The following EXOSC10 variants were observed in gnomAD, a reference collection of about 807,000 sequenced individuals.
EXOSC10 encodes exosome component 10, also known as exosome complex component 10.
Under a neutral mutation model 126.6 loss-of-function variants are expected in EXOSC10, and 94 were observed. The observed-to-expected ratio is 0.74, with a 90% CI of 0.63 to 0.88. EXOSC10 has a LOEUF of 0.88. Ranked by LOEUF, EXOSC10 falls within the 40% of genes least tolerant of loss-of-function variation. The pLI is 0.00. For synonymous variants in EXOSC10, 395 were observed against 400.8 expected, an observed-to-expected ratio of 0.99 and a Z score of 0.17; for missense variants, 1,041 against 1,100.5, an observed-to-expected ratio of 0.95 and a Z score of 0.77.
intron 23 of EXOSC10, chr1:11,068,394 G>C: frequency 3.4e-6 from 2 of 592,688 alleles, no homozygotes; most frequent in Non-Finnish European, 6.0e-6. Flanking sequence ...GGGTGCTTTT[G>C]GCCTGCAGCT....
intron 17 of EXOSC10, 114 bp from the exon 18 acceptor site, chr1:11,074,440 T>C: frequency 1.4e-6 from 1 of 711,108 alleles, no homozygotes; most frequent in Non-Finnish European, 2.4e-6. Context: ...GGAGACAGAG[T>C]CTCGCTCTTT....
At chr1:11,093,671 C>T (rs1640915223) in intron 3 of EXOSC10, among the ~76,000 whole-genome samples, 1 of 152,170 alleles carries the variant, frequency 6.6e-6, no homozygotes, top group South Asian at 2.1e-4. Context: ...CCTTCCAATC[C>T]TGTGAGCTGG....
chr1:11,068,682 GAAGAA>G lies in EXOSC10; in HGVS notation c.2508_2512del (p.Ser838ValfsTer2), dbSNP rs1557689993. On this transcript the variant is annotated frameshift_variant, in exon 23 of 25. Transcript: ENST00000376936. LOFTEE classifies it high-confidence loss of function. ...GGTCTGTTTATTTGGATCAAACTGA[GAAGAA>G]ACTTTGGATTTGCTGTTTCCTGAAA... The G allele has an allele frequency of 6.2e-7, 1 of 1,614,218 alleles. No individual in the cohort carries two copies.
chr1:11,095,196 A>G (rs1230107190), intron 3 of EXOSC10, among the ~76,000 whole-genome samples: 1 of 149,442 alleles, frequency 6.7e-6, no homozygotes. Context: ...TGGGCAACCA[A>G]GCAAGACTCC....
intron 17 of EXOSC10, among the ~76,000 whole-genome samples, chr1:11,075,328 G>C (rs765808725): frequency 9.9e-5 from 15 of 152,132 alleles, no homozygotes; most frequent in African/African-American, 2.4e-4. Context: ...CTGAAATTTA[G>C]TATTACATAT....
intron 6 of EXOSC10, 99 bp downstream of exon 6, chr1:11,090,455 A>G (rs1258214522): frequency 1.3e-5 from 12 of 934,104 alleles, no homozygotes; most frequent in Admixed American, 2.1e-5. Flanking sequence ...GGAAATCACT[A>G]CTCCTCAGAT....
intron 10 of EXOSC10, 31 bp from the exon 11 acceptor site, chr1:11,081,269 T>C (rs1367992008): frequency 6.2e-7 from 1 of 1,610,632 alleles, no homozygotes; most frequent in South Asian, 1.1e-5. Flanking sequence ...GTTTTACTGA[T>C]TGCCCCCAAG....
chr1:11,084,895 A>G lies in EXOSC10; in HGVS notation c.1090-2017T>C, dbSNP rs1329963938. ...TTATTAAATAGGGAATCCTTTCCCC[A>G]TTGCTTGTTTTTTGTCAGGTTTGTC... On this transcript the variant is annotated intron_variant, in intron 9 of 24. Coordinates refer to ENST00000376936, the MANE Select transcript of EXOSC10 (RefSeq NM_001001998.3). 5.3e-5 allele frequency among the ~76,000 whole-genome samples: 8 copies of G among 152,262 alleles called. No individual in the cohort carries two copies. In the East Asian group the frequency reaches 1.5e-3, roughly 29 times the overall value.
At chr1:11,083,486 CGA>C (rs933405240) in intron 9 of EXOSC10, among the ~76,000 whole-genome samples, 2 of 146,962 alleles carry the variant, frequency 1.4e-5, no homozygotes, top group Non-Finnish European at 3.0e-5. Flanking sequence ...TGCTTGAACC[CGA>C]GAGGCAGAGG....
intron 21 of EXOSC10, 45 bp from the exon 22 acceptor site, chr1:11,069,775 G>A (rs1448854098): frequency 6.3e-6 from 10 of 1,599,246 alleles, no homozygotes; most frequent in Admixed American, 1.7e-5. Flanking sequence ...GGAGGCACAT[G>A]GGAACAGGGA....
intron 10 of EXOSC10, 106 bp from the exon 11 acceptor site, chr1:11,081,344 G>T: frequency 7.8e-7 from 1 of 1,278,172 alleles, no homozygotes; most frequent in Non-Finnish European, 1.1e-6. Flanking sequence ...CAATATGAAA[G>T]ATCCTTTCAT....
At chr1:11,072,219 CCTAAGT>C (rs1488288869) in intron 19 of EXOSC10, 48 bp from the exon 20 acceptor site, 1 of 1,430,240 alleles carries the variant, frequency 7.0e-7, no homozygotes, top group Non-Finnish European at 9.8e-7. Context: ...AAGTCAGCCA[CCTAAGT>C]CTGTCTTACT....
intron 3 of EXOSC10, 167 bp downstream of exon 3, chr1:11,095,591 G>A (rs1641035754): frequency 3.8e-6 from 2 of 521,454 alleles, no homozygotes; most frequent in Non-Finnish European, 6.8e-6. Flanking sequence ...GCGGGCGCCT[G>A]TAGTCCCAGC....
chr1:11,080,999 G>A (rs951917169), intron 11 of EXOSC10, 83 bp downstream of exon 11: 32 of 1,580,740 alleles, frequency 2.0e-5, no homozygotes, highest in Non-Finnish European at 2.7e-5. Flanking sequence ...TTTCATGAAT[G>A]TAAGGAGCAA....
chr1:11,074,344 A>G lies in EXOSC10; in HGVS notation c.1987-18T>C. The G allele has an allele frequency of 6.5e-7, 1 of 1,548,482 alleles. No individual in the cohort carries two copies. Among genetic ancestry groups the G allele is most frequent in the South Asian group, 1.1e-5 (1 of 89,600 alleles). On this transcript the variant is annotated intron_variant, in intron 17 of 24. Transcript: ENST00000376936. ...CTAGGTTCCTGCAGGGACAGACAAAAAACGATCACTAATGACCATGATCAT... is the reference window on the plus strand; with the variant it reads ...CTAGGTTCCTGCAGGGACAGACAAAGAACGATCACTAATGACCATGATCAT...
intron 9 of EXOSC10, among the ~76,000 whole-genome samples, chr1:11,084,089 TG>T (rs1640353087): frequency 6.6e-6 from 1 of 152,150 alleles, no homozygotes; most frequent in Non-Finnish European, 1.5e-5. Context: ...AATAAACATA[TG>T]TGTGCATGTG....
In EXOSC10 at chr1:11,083,353, G is replaced by C. The variant is rs1023275502; in HGVS notation, c.1090-475C>G. On this transcript the variant is annotated intron_variant, in intron 9 of 24. Coordinates refer to ENST00000376936, the MANE Select transcript of EXOSC10 (RefSeq NM_001001998.3). The stretch of plus-strand genomic sequence containing the variant: ...AAGGTGGGTGGATTGCTTGAGGTCA[G>C]GAGTTTGAGACCAGCCTGACCAACA... Among the ~76,000 whole-genome samples the C allele has an allele frequency of 4.0e-4, 61 of 152,078 alleles. 2 individuals carry two copies. Among genetic ancestry groups the C allele is most frequent in the Admixed American group, 2.0e-4 (3 of 15,262 alleles).
rs769030170 is a variant in EXOSC10, at chr1:11,077,657, G to GA, written c.1750-7dup. 1.9e-6 allele frequency: 3 copies of GA among 1,601,048 alleles called. No homozygotes were observed. The highest frequency in any genetic ancestry group is 3.4e-5 in the Admixed American group (2 of 58,418). On this transcript the variant is annotated splice_region_variant and splice_polypyrimidine_tract_variant and intron_variant, in intron 14 of 24. Transcript: ENST00000376936. The stretch of plus-strand genomic sequence containing the variant: ...ACTCCGGCTGCAACTTCAGACTAAG[G>GA]AAAAAAACGAAGGGAATTGAGGAAA...
chr1:11,081,571 C>T (rs1221027561), intron 10 of EXOSC10, among the ~76,000 whole-genome samples: 2 of 152,116 alleles, frequency 1.3e-5, no homozygotes, highest in African/African-American at 4.8e-5. Context: ...AGTTCCTTAA[C>T]CTCTTTGGGC....
Sources: allele counts gnomAD v4.1 joint callset (sites outside exome capture counted in the v4.1 genomes callset), GRCh38; gene constraint gnomAD v4.1.1; transcripts MANE v1.5; gene names NCBI Gene and HGNC (gene_info 2026-07-23, HGNC 2026-07-21).